Variants in SAMD5 observed in about 807,000 individuals in gnomAD.
SAMD5 encodes the protein sterile alpha motif domain containing 5.
SAMD5 carries 13 observed loss-of-function variants against 11.3 expected under a neutral mutation model. The ratio of observed to expected loss-of-function variants is 1.15; its 90% CI spans 0.75 to 1.83. The LOEUF is 1.83. SAMD5 is among the 40% of genes most tolerant of loss of function. The probability of loss-of-function intolerance (pLI) is 0.00; values close to 1 mark genes in which losing one functional copy is unlikely to be tolerated. For missense variants in SAMD5, 255 were observed against 239.1 expected, an observed-to-expected ratio of 1.07 and a Z score of -0.44; for synonymous variants, 129 against 111.3, an observed-to-expected ratio of 1.16 and a Z score of -1.00.
At chr6:147,832,120 T>C in the SAMD5 span, among the ~76,000 whole-genome samples, 57 of 152,202 alleles carry the variant, frequency 3.7e-4, no homozygotes, top group Admixed American at 2.7e-3. Context: ...AAAAACCTAA[T>C]ACATAGGATG....
chr6:147,929,669 A>G, the SAMD5 span, among the ~76,000 whole-genome samples: 1 of 152,184 alleles, frequency 6.6e-6, no homozygotes, highest in Non-Finnish European at 1.5e-5. Flanking sequence ...TGACATCTAC[A>G]AATGCAGACT....
chr6:147,906,600 G>A, the SAMD5 span, among the ~76,000 whole-genome samples: 1 of 152,194 alleles, frequency 6.6e-6, no homozygotes, highest in South Asian at 2.1e-4. Flanking sequence ...AGTCAGCAGG[G>A]ACAGCTGCTG....
At chr6:147,697,529 G>A (rs949479620) in intron 1 of SAMD5, among the ~76,000 whole-genome samples, 2 of 152,088 alleles carry the variant, frequency 1.3e-5, no homozygotes, top group Non-Finnish European at 2.9e-5. Flanking sequence ...AAATGTTTCA[G>A]CGTTTTGTTC....
chr6:147,653,234 G>A (rs1281998975), intron 1 of SAMD5, among the ~76,000 whole-genome samples: 2 of 152,100 alleles, frequency 1.3e-5, no homozygotes, highest in African/African-American at 4.8e-5. Context: ...CTTCAAAATG[G>A]AGTTAAATAG....
intron 1 of SAMD5, among the ~76,000 whole-genome samples, chr6:147,616,996 C>T (rs1789882631): frequency 6.6e-6 from 1 of 152,262 alleles, no homozygotes; most frequent in Admixed American, 6.5e-5. Flanking sequence ...CAGAGCCAAA[C>T]CTTATCCTAG....
rs1789084630 is a variant in SAMD5 at position 147,568,791 on chromosome 6, T to G, written c.*4335T>G. On this transcript the variant is annotated 3_prime_UTR_variant, in exon 2 of 2. Coordinates refer to ENST00000367474, the MANE Select transcript of SAMD5 (RefSeq NM_001030060.3). Reference sequence around the variant, plus strand: ...AGATATTTTACACTATCAGATTCTTTGATTAAAAAATCATCTTCAGCTTTA... The same window carrying G: ...AGATATTTTACACTATCAGATTCTTGGATTAAAAAATCATCTTCAGCTTTA... 1.0e-6 allele frequency: 1 copy of G among 966,928 alleles called. No homozygotes were observed. Among genetic ancestry groups the G allele is most frequent in the East Asian group, 1.1e-4 (1 of 8,728 alleles). The allele number at this position is 966,928 out of a possible 1,614,324, so 59.9% of individuals were successfully genotyped here. A position where few individuals can be genotyped will look rare whatever the true frequency, so the allele number is the denominator to read the frequency against.
chr6:147,829,641 G>A, the SAMD5 span, among the ~76,000 whole-genome samples: 5 of 152,150 alleles, frequency 3.3e-5, no homozygotes, highest in Non-Finnish European at 7.3e-5. Context: ...GTGCATGCAT[G>A]CACATTTAGA....
At chr6:147,559,197 G>A (rs1419263840) in intron 1 of SAMD5, among the ~76,000 whole-genome samples, 1 of 152,216 alleles carries the variant, frequency 6.6e-6, no homozygotes, top group African/African-American at 2.4e-5. Flanking sequence ...GCAGCCTGCA[G>A]ACCACAGCCC....
intron 1 of SAMD5, among the ~76,000 whole-genome samples, chr6:147,525,619 T>C (rs1788325594): frequency 1.3e-5 from 2 of 152,008 alleles, no homozygotes; most frequent in African/African-American, 4.8e-5. Context: ...TAAATCACAG[T>C]CATCGGCCTT....
At chr6:147,751,832 T>C in the SAMD5 span, among the ~76,000 whole-genome samples, 2 of 151,992 alleles carry the variant, frequency 1.3e-5, no homozygotes, top group Admixed American at 6.6e-5. Context: ...GGAAATATTC[T>C]TTTTTTTCAG....
Position 147,732,279 on chromosome 6 carries a change from A to C in SAMD5, c.163-5038A>C, listed in dbSNP as rs1302901351. 2.0e-5 allele frequency among the ~76,000 whole-genome samples: 3 copies of C among 152,192 alleles called. No homozygotes were observed. In the East Asian group the frequency reaches 5.8e-4, roughly 29 times the overall value. On this transcript the variant is annotated intron_variant, in intron 1 of 1. Transcript: ENST00000566741. ...CCTCCTAATCAAGCGTCTTGAAAGG[A>C]GCAATACTTGAAAATCTTCCTCATA...
intron 1 of SAMD5, among the ~76,000 whole-genome samples, chr6:147,541,670 G>A (rs1414398692): frequency 6.6e-6 from 1 of 152,118 alleles, no homozygotes; most frequent in African/African-American, 2.4e-5. Context: ...CCCCTTCTGA[G>A]ATCCCTTCCA....
chr6:147,584,359 A>G (rs1301883406), intron 1 of SAMD5, among the ~76,000 whole-genome samples: 1 of 152,162 alleles, frequency 6.6e-6, no homozygotes, highest in East Asian at 1.9e-4. Context: ...TGATGAGGAA[A>G]TTCTTTAATC....
the SAMD5 span, among the ~76,000 whole-genome samples, chr6:147,782,375 T>C: frequency 6.6e-6 from 1 of 152,208 alleles, no homozygotes; most frequent in South Asian, 2.1e-4. Context: ...GGTTGCCAGT[T>C]ATCTGCACAC....
intron 1 of SAMD5, among the ~76,000 whole-genome samples, chr6:147,728,579 C>G (rs113078685): frequency 1.3e-5 from 2 of 152,130 alleles, no homozygotes; most frequent in African/African-American, 4.8e-5. Flanking sequence ...CATAGAACCG[C>G]GGGCTGAGTG....
At chr6:147,637,425 T>G in intron 1 of SAMD5, among the ~76,000 whole-genome samples, 1 of 152,170 alleles carries the variant, frequency 6.6e-6, no homozygotes, top group East Asian at 1.9e-4. Context: ...ATAATACCTA[T>G]TCATCACCCT....
the SAMD5 span, among the ~76,000 whole-genome samples, chr6:147,880,338 C>T: frequency 6.6e-6 from 1 of 151,914 alleles, no homozygotes; most frequent in African/African-American, 2.4e-5. Context: ...CCTTCTCTTT[C>T]TTTCTCTCTG....
chr6:147,816,301 A>AAAAATATATATATATAT, the SAMD5 span, among the ~76,000 whole-genome samples: 17 of 66,346 alleles, frequency 2.6e-4, no homozygotes, highest in Non-Finnish European at 3.3e-4. Context: ...AAAAAAAAAA[A>AAAAATATATATATATAT]ATATATATAT....
the SAMD5 span, among the ~76,000 whole-genome samples, chr6:147,808,769 T>G: frequency 6.6e-6 from 1 of 152,192 alleles, no homozygotes; most frequent in Non-Finnish European, 1.5e-5. Flanking sequence ...CAGCTGTATA[T>G]GAAACCCATT....
Sources: allele counts gnomAD v4.1 joint callset (sites outside exome capture counted in the v4.1 genomes callset), GRCh38; gene constraint gnomAD v4.1.1; transcripts MANE v1.5; gene names NCBI Gene and HGNC (gene_info 2026-07-23, HGNC 2026-07-21).